LRBA: variants seen among roughly 807,000 people sequenced by gnomAD.
LRBA encodes LPS responsive beige-like anchor protein.
LRBA carries 176 observed loss-of-function variants against 330.0 expected under a neutral mutation model. The ratio of observed to expected loss-of-function variants is 0.53; its 90% CI spans 0.47 to 0.60. The LOEUF is 0.60. LRBA is among the 20% of genes least tolerant of loss of function. LRBA has a pLI of 0.00. For missense variants in LRBA, 3,259 were observed against 3,444.8 expected, an observed-to-expected ratio of 0.95 and a Z score of 1.35; for synonymous variants, 1,230 against 1,193.0, an observed-to-expected ratio of 1.03 and a Z score of -0.64.
intron 37 of LRBA, among the ~76,000 whole-genome samples, chr4:150,632,291 A>G (rs1777466359): frequency 6.6e-6 from 1 of 152,098 alleles, no homozygotes; most frequent in East Asian, 1.9e-4. Flanking sequence ...ATCACAAAAG[A>G]ACTAATTTAG....
At chr4:150,949,272 C>T (rs937030542) in intron 2 of LRBA, among the ~76,000 whole-genome samples, 2 of 152,016 alleles carry the variant, frequency 1.3e-5, no homozygotes, top group African/African-American at 4.8e-5. Context: ...TAAAAAGGAA[C>T]AAACTATTGA....
At chr4:151,000,486 A>T (rs1743207651) in intron 2 of LRBA, among the ~76,000 whole-genome samples, 1 of 152,216 alleles carries the variant, frequency 6.6e-6, no homozygotes, top group Non-Finnish European at 1.5e-5. Flanking sequence ...GAACATTATT[A>T]AGTAAAATAA....
At chr4:150,939,047 GC>G (rs779590210) in intron 2 of LRBA, among the ~76,000 whole-genome samples, 5 of 152,062 alleles carry the variant, frequency 3.3e-5, no homozygotes, top group Non-Finnish European at 7.4e-5. Flanking sequence ...TTGGTTATGT[GC>G]CCTGGTAAGT....
intron 31 of LRBA, among the ~76,000 whole-genome samples, chr4:150,810,706 G>A (rs1270551637): frequency 1.3e-5 from 2 of 152,034 alleles, no homozygotes; most frequent in African/African-American, 2.4e-5. Context: ...GACTCAAGCC[G>A]TCTTCCTGCC....
At chr4:150,954,436 C>T (rs1737292515) in intron 2 of LRBA, among the ~76,000 whole-genome samples, 1 of 152,150 alleles carries the variant, frequency 6.6e-6, no homozygotes. Context: ...AATTCTTCTG[C>T]CTTGGGATGC....
intron 26 of LRBA, among the ~76,000 whole-genome samples, chr4:150,845,275 C>G (rs539956321): frequency 1.2e-4 from 18 of 152,212 alleles, no homozygotes; most frequent in African/African-American, 4.1e-4. Context: ...TGCATCATTA[C>G]AGCATGATAT....
chr4:150,976,948 C>A (rs1021109398), intron 2 of LRBA, among the ~76,000 whole-genome samples: 4 of 152,210 alleles, frequency 2.6e-5, no homozygotes, highest in African/African-American at 7.2e-5. Flanking sequence ...GAGAACTGCA[C>A]ATCCCAGTGG....
rs201478697 is a variant in LRBA, at chr4:150,849,465, C to T, written c.4115G>A (p.Cys1372Tyr). The T allele has an allele frequency of 9.3e-6, 15 of 1,613,262 alleles. No individual in the cohort carries two copies. The highest frequency in any genetic ancestry group is 1.3e-5 in the Non-Finnish European group (15 of 1,179,758). Residue 1372 changes from cysteine to tyrosine, a missense_variant, in exon 25 of 57, where the codon TGT (cysteine) becomes TAT (tyrosine). Transcript: ENST00000651943. ...SQVMDNMVMA[C>Y]GGILPLLSAA... ...TGAAAGCAATGGCAGTATACCCCCA[C>T]AAGCCATGACCATATTGTCCATCAC...
rs1579275183 is a variant in LRBA, at chr4:150,942,893, A to G, written c.217-13828T>C. Among the ~76,000 whole-genome samples, 6 of 152,210 alleles carry G rather than the reference A, an allele frequency of 3.9e-5. 1 individual carries two copies. The South Asian group carries it at 1.2e-3, about 32-fold the overall frequency. On this transcript the variant is annotated intron_variant, in intron 2 of 56. Coordinates refer to ENST00000651943, the MANE Select transcript of LRBA (RefSeq NM_001364905.1). ...TAGATTTTTTTTTCTTTAAATAGTGAGCTAAGTATTTGAAAAATTTGTGAA... is the reference window on the plus strand; with the variant it reads ...TAGATTTTTTTTTCTTTAAATAGTGGGCTAAGTATTTGAAAAATTTGTGAA...
At chr4:150,725,585 A>C (rs1440204832) in intron 36 of LRBA, among the ~76,000 whole-genome samples, 1 of 152,224 alleles carries the variant, frequency 6.6e-6, no homozygotes, top group African/African-American at 2.4e-5. Flanking sequence ...AGAAATGCTA[A>C]AGGGAGCTCT....
At chr4:150,877,529 A>G (rs1000505523) in intron 17 of LRBA, among the ~76,000 whole-genome samples, 2 of 152,226 alleles carry the variant, frequency 1.3e-5, no homozygotes, top group Non-Finnish European at 2.9e-5. Context: ...AGATATATAA[A>G]ACAACGACTA....
At chr4:150,602,957 T>A (rs953214580) in intron 37 of LRBA, among the ~76,000 whole-genome samples, 1 of 152,218 alleles carries the variant, frequency 6.6e-6, no homozygotes, top group Non-Finnish European at 1.5e-5. Context: ...CTAGATCACA[T>A]TATATACCTA....
chr4:150,454,087 A>G (rs1350684879), intron 44 of LRBA, among the ~76,000 whole-genome samples: 1 of 152,086 alleles, frequency 6.6e-6, no homozygotes, highest in Non-Finnish European at 1.5e-5. Flanking sequence ...CAGCCTCCCA[A>G]GTAGCTGGGA....
chr4:150,701,848 T>G (rs1218284167), intron 36 of LRBA, among the ~76,000 whole-genome samples: 1 of 152,018 alleles, frequency 6.6e-6, no homozygotes, highest in Non-Finnish European at 1.5e-5. Context: ...CAACACAAAG[T>G]GTATATCAAG....
rs935311524 is a variant in LRBA, at chr4:150,337,278, A to G, written c.7363-11380T>C. ...GGTTCATGACAAAAGTCATCAGTAT[A>G]ATAGAACGGCTCAGAATTCTGTAGG... On this transcript the variant is annotated intron_variant, in intron 48 of 56. Transcript: ENST00000651943. 3.3e-5 allele frequency among the ~76,000 whole-genome samples: 5 copies of G among 152,208 alleles called. 1 individual carries two copies. The highest frequency in any genetic ancestry group is 7.3e-5 in the Non-Finnish European group (5 of 68,032).
chr4:150,335,532 G>GTA (rs755575891), intron 48 of LRBA, among the ~76,000 whole-genome samples: 3,767 of 144,774 alleles, frequency 0.026, 130 homozygotes, highest in African/African-American at 0.084. Context: ...ATATATGTGT[G>GTA]TATATATATA....
At chr4:150,729,788 A>C (rs1340801690) in intron 36 of LRBA, among the ~76,000 whole-genome samples, 2 of 152,214 alleles carry the variant, frequency 1.3e-5, no homozygotes, top group Admixed American at 6.5e-5. Context: ...TATTAGAATA[A>C]AAACAGACAC....
intron 29 of LRBA, among the ~76,000 whole-genome samples, 160 bp from the exon 30 acceptor site, chr4:150,828,781 G>C (rs927521491): frequency 6.6e-6 from 1 of 152,080 alleles, no homozygotes; most frequent in Non-Finnish European, 1.5e-5. Flanking sequence ...AGAATGTACT[G>C]AGTGGGTGCA....
At chr4:150,878,106 G>A (rs920770513) in intron 17 of LRBA, among the ~76,000 whole-genome samples, 1 of 151,984 alleles carries the variant, frequency 6.6e-6, no homozygotes, top group African/African-American at 2.4e-5. Context: ...GTCAAGGTGG[G>A]CAGATCACTT....
Sources: allele counts gnomAD v4.1 joint callset (sites outside exome capture counted in the v4.1 genomes callset), GRCh38; gene constraint gnomAD v4.1.1; transcripts MANE v1.5; gene names NCBI Gene and HGNC (gene_info 2026-07-23, HGNC 2026-07-21).